The following ARB2A variants were observed in gnomAD, a reference collection of about 807,000 sequenced individuals.
ARB2A encodes the protein cotranscriptional regulator ARB2A.
chr5:94,061,623 C>T, the ARB2A span, among the ~76,000 whole-genome samples: 2 of 152,124 alleles, frequency 1.3e-5, no homozygotes, highest in Admixed American at 1.3e-4. Flanking sequence ...TATCAACACA[C>T]AAAACTTAAT....
the ARB2A span, among the ~76,000 whole-genome samples, chr5:93,777,531 C>T: frequency 5.9e-5 from 9 of 151,822 alleles, no homozygotes; most frequent in African/African-American, 2.2e-4. Context: ...TAAAAAATGT[C>T]TCAACACACA....
chr5:93,649,254 G>A, the ARB2A span, among the ~76,000 whole-genome samples: 1 of 152,040 alleles, frequency 6.6e-6, no homozygotes, highest in Non-Finnish European at 1.5e-5. Context: ...CTGGCAATTG[G>A]TTAACCCTCA....
the ARB2A span, among the ~76,000 whole-genome samples, chr5:94,091,692 G>A: frequency 6.6e-6 from 1 of 152,244 alleles, no homozygotes; most frequent in Middle Eastern, 3.4e-3. Flanking sequence ...TTTTTCAGGA[G>A]AAATCAAAAG....
At chr5:93,849,242 A>T in the ARB2A span, among the ~76,000 whole-genome samples, 1 of 152,216 alleles carries the variant, frequency 6.6e-6, no homozygotes, top group Non-Finnish European at 1.5e-5. Flanking sequence ...AAATTTCCAC[A>T]GATACTTCTG....
At chr5:93,710,706 C>A in the ARB2A span, among the ~76,000 whole-genome samples, 1 of 152,106 alleles carries the variant, frequency 6.6e-6, no homozygotes, top group Admixed American at 6.5e-5. Context: ...TGGGAAAATA[C>A]TGGTTCAATA....
At chr5:93,646,381 C>T in the ARB2A span, among the ~76,000 whole-genome samples, 1 of 151,726 alleles carries the variant, frequency 6.6e-6, no homozygotes, top group Non-Finnish European at 1.5e-5. Context: ...GGCCCCAGAG[C>T]AAGATTCTAC....
the ARB2A span, among the ~76,000 whole-genome samples, chr5:93,977,114 T>C: frequency 1.3e-5 from 2 of 151,946 alleles, no homozygotes; most frequent in African/African-American, 4.8e-5. Flanking sequence ...CAAAAACAAA[T>C]GGAAAAGAAT....
At chr5:93,759,717 C>G in the ARB2A span, among the ~76,000 whole-genome samples, 1 of 152,170 alleles carries the variant, frequency 6.6e-6, no homozygotes, top group Non-Finnish European at 1.5e-5. Flanking sequence ...TTAAAACTCT[C>G]AGCAAAATTG....
chr5:93,671,409 T>G, the ARB2A span, among the ~76,000 whole-genome samples: 1 of 152,072 alleles, frequency 6.6e-6, no homozygotes, highest in African/African-American at 2.4e-5. Flanking sequence ...GATGATACAG[T>G]GAACTAACAC....
the ARB2A span, among the ~76,000 whole-genome samples, chr5:93,688,042 T>C: frequency 1.3e-5 from 2 of 152,022 alleles, no homozygotes; most frequent in Non-Finnish European, 2.9e-5. Context: ...GGCATGATCT[T>C]GGCTCACTGA....
chr5:93,642,753 C>T, the ARB2A span, among the ~76,000 whole-genome samples: 1 of 152,096 alleles, frequency 6.6e-6, no homozygotes, highest in East Asian at 1.9e-4. Flanking sequence ...TTCCTGGCCT[C>T]CAGCAATCCT....
chr5:93,631,045 T>G, the ARB2A span, among the ~76,000 whole-genome samples: 1 of 151,996 alleles, frequency 6.6e-6, no homozygotes, highest in Non-Finnish European at 1.5e-5. Flanking sequence ...GGCGTGCACC[T>G]GGCTAATTTT....
chr5:94,007,943 A>G, the ARB2A span, among the ~76,000 whole-genome samples: 1 of 152,230 alleles, frequency 6.6e-6, no homozygotes, highest in African/African-American at 2.4e-5. Context: ...GCAGAGTATT[A>G]CATTACATTA....
At chr5:93,619,845 G>A in the ARB2A span, 2 of 152,170 alleles carry the variant, frequency 1.3e-5, no homozygotes, top group African/African-American at 2.4e-5. Context: ...TGGACTGAGA[G>A]AAGAAATTCT....
chr5:93,913,589 TAA>T, the ARB2A span, among the ~76,000 whole-genome samples: 1 of 151,586 alleles, frequency 6.6e-6, no homozygotes, highest in African/African-American at 2.4e-5. Context: ...TAGAAAAGGA[TAA>T]AAAAAAGTCT....
chr5:93,735,477 G>A, the ARB2A span: 1 of 152,232 alleles, frequency 6.6e-6, no homozygotes, highest in African/African-American at 2.4e-5. Flanking sequence ...AGAGGCTGCA[G>A]AAGAACTGAA....
At chr5:94,092,172 CA>C in the ARB2A span, among the ~76,000 whole-genome samples, 276 of 129,810 alleles carry the variant, frequency 2.1e-3, no homozygotes, top group Middle Eastern at 4.0e-3. Flanking sequence ...CTTGTCTTTC[CA>C]AAAAAAAAAA....
the ARB2A span, among the ~76,000 whole-genome samples, chr5:93,796,576 G>A: frequency 1.3e-5 from 2 of 152,062 alleles, no homozygotes; most frequent in Non-Finnish European, 2.9e-5. Context: ...ATATTTGAAC[G>A]AGGATCTCCA....
the ARB2A span, among the ~76,000 whole-genome samples, chr5:93,715,306 T>C: frequency 6.6e-6 from 1 of 152,222 alleles, no homozygotes; most frequent in Non-Finnish European, 1.5e-5. Flanking sequence ...TTAAAGCACC[T>C]TTAAGACTCT....
Sources: gnomAD v4.1 joint callset for allele counts (sites outside exome capture counted in the v4.1 genomes callset) on GRCh38, gnomAD v4.1.1 for gene constraint, MANE v1.5 for transcripts, NCBI Gene and HGNC (gene_info 2026-07-23, HGNC 2026-07-21) for gene names.